Variants in ZNF705A observed in about 807,000 individuals in gnomAD.
The protein encoded by ZNF705A is zinc finger protein 705A.
Under a neutral mutation model 16.6 loss-of-function variants are expected in ZNF705A, and 8 were observed. The observed-to-expected ratio is 0.48, with a 90% CI of 0.28 to 0.87. The LOEUF is 0.87. ZNF705A is among the 40% of genes least tolerant of loss of function. The probability of loss-of-function intolerance (pLI) is 0.10; values close to 1 mark genes in which losing one functional copy is unlikely to be tolerated. For synonymous variants in ZNF705A, 73 were observed against 117.3 expected (o/e 0.62, Z 2.44); for missense variants, 233 against 359.9 (o/e 0.65, Z 2.85).
chr12:8,161,898 A>G (rs780398530), intron 1 of ZNF705A, among the ~76,000 whole-genome samples: 1 of 152,324 alleles, frequency 6.6e-6, no homozygotes, highest in African/African-American at 2.4e-5. Context: ...CTTACAGAAG[A>G]AAGTAGAAAA....
chr12:8,161,962 C>T (rs1314390511), intron 1 of ZNF705A, among the ~76,000 whole-genome samples: 1 of 152,110 alleles, frequency 6.6e-6, no homozygotes, highest in African/African-American at 2.4e-5. Flanking sequence ...TCGGAACTAT[C>T]CTAAGTCAGA....
rs750797803 is a variant in ZNF705A, at chr12:8,173,028, G to A, written c.12+391G>A. 2.0e-5 allele frequency among the ~76,000 whole-genome samples: 3 copies of A among 152,298 alleles called. No individual in the cohort carries two copies. In the East Asian group the frequency reaches 5.8e-4, roughly 29 times the overall value. On this transcript the variant is annotated intron_variant, in intron 1 of 4. Coordinates refer to ENST00000359286, the Ensembl canonical transcript of ZNF705A. Reference sequence around the variant, plus strand: ...AAATAATTGACCCATTAACTGTACTGTTGGCTGAAATAGACTTAGGATTGT... The same window carrying A: ...AAATAATTGACCCATTAACTGTACTATTGGCTGAAATAGACTTAGGATTGT...
rs779130301 is a variant in ZNF705A, at chr12:8,158,533, T to C, written c.-72+1441T>C. ...AATGCAACATACATATAAATATCTA[T>C]ACATTTTCCTATTGATGGAAATTTG... On this transcript the variant is annotated intron_variant, in intron 1 of 5. Coordinates refer to the ZNF705A transcript ENST00000396570. Among the ~76,000 whole-genome samples the C allele has an allele frequency of 2.0e-5, 3 of 152,184 alleles. No individual in the cohort carries two copies. In the South Asian group the frequency reaches 6.2e-4, roughly 31 times the overall value.
At chr12:8,175,034 C>T (rs1442362716) in intron 2 of ZNF705A, among the ~76,000 whole-genome samples, 194 bp from the exon 4 acceptor site, 1 of 151,962 alleles carries the variant, frequency 6.6e-6, no homozygotes, top group East Asian at 1.9e-4. Context: ...TTCCTGATGG[C>T]CCTTTTGTTT....
At chr12:8,166,418 A>G (rs1948399685) in intron 1 of ZNF705A, among the ~76,000 whole-genome samples, 1 of 152,188 alleles carries the variant, frequency 6.6e-6, no homozygotes, top group Non-Finnish European at 1.5e-5. Flanking sequence ...TAACTGAATC[A>G]TGGGGGCAGT....
At chr12:8,161,959 T>C (rs1948359523) in intron 1 of ZNF705A, among the ~76,000 whole-genome samples, 1 of 152,210 alleles carries the variant, frequency 6.6e-6, no homozygotes, top group African/African-American at 2.4e-5. Context: ...AGGTCGGAAC[T>C]ATCCTAAGTC....
chr12:8,168,855 A>C (rs1036175486), upstream of ZNF705A: 1 of 152,144 alleles, frequency 6.6e-6, no homozygotes, highest in Non-Finnish European at 1.5e-5. Flanking sequence ...TTCTCAAGCA[A>C]TTTTTAAATT....
chr12:8,163,786 G>T (rs1277037903), intron 1 of ZNF705A, among the ~76,000 whole-genome samples: 2 of 152,160 alleles, frequency 1.3e-5, no homozygotes, highest in African/African-American at 2.4e-5. Flanking sequence ...CTCTAGTTTG[G>T]CTGCTAAATC....
intron 1 of ZNF705A, among the ~76,000 whole-genome samples, chr12:8,159,625 A>G (rs1372093546): frequency 6.6e-6 from 1 of 151,648 alleles, no homozygotes; most frequent in African/African-American, 2.4e-5. Context: ...AGAATTGTCT[A>G]TTCATGTCTT....
chr12:8,174,219 A>C (rs1201056830), intron 1 of ZNF705A, 107 bp from the exon 3 acceptor site: 5 of 1,591,584 alleles, frequency 3.1e-6, no homozygotes, highest in Non-Finnish European at 3.4e-6. Flanking sequence ...AACCCAAAAC[A>C]CTGAGTATTC....
chr12:8,163,527 A>C (rs1442112244), intron 1 of ZNF705A, among the ~76,000 whole-genome samples: 1 of 152,182 alleles, frequency 6.6e-6, no homozygotes, highest in African/African-American at 2.4e-5. Context: ...AATCAGCCTC[A>C]TCCTACATTG....
At chr12:8,163,466 A>C (rs1948373819) in intron 1 of ZNF705A, among the ~76,000 whole-genome samples, 1 of 152,092 alleles carries the variant, frequency 6.6e-6, no homozygotes, top group South Asian at 2.1e-4. Flanking sequence ...CTATTAGGCC[A>C]CCTTTTTTCA....
intron 1 of ZNF705A, among the ~76,000 whole-genome samples, chr12:8,173,319 A>G (rs779914228): frequency 5.3e-5 from 8 of 152,364 alleles, no homozygotes; most frequent in African/African-American, 1.7e-4. Context: ...AAAGTAACAT[A>G]TAAGAAATAT....
intron 4 of ZNF705A, among the ~76,000 whole-genome samples, chr12:8,176,360 T>G (rs1206669745): frequency 6.6e-6 from 1 of 152,076 alleles, no homozygotes; most frequent in Non-Finnish European, 1.5e-5. Context: ...AGGGGACAGG[T>G]GTATGCCTTT....
At position 8,172,639 on chromosome 12, in the gene ZNF705A, T is replaced by G; in HGVS notation, c.12+2T>G. The G allele has an allele frequency of 1.3e-6, 2 of 1,596,440 alleles. No homozygotes were observed. The highest frequency in any genetic ancestry group is 2.7e-5 in the African/African-American group (2 of 74,970). Reference sequence around the variant, plus strand: ...GAGTTCCGGACAATGCATTCACTAGTGAGTAGGGGATGCTTCTTTCTACTG... The same window carrying G: ...GAGTTCCGGACAATGCATTCACTAGGGAGTAGGGGATGCTTCTTTCTACTG... On this transcript the variant is annotated splice_donor_variant, in intron 1 of 4. Coordinates refer to ENST00000359286, the Ensembl canonical transcript of ZNF705A. LOFTEE classifies it high-confidence loss of function.
intron 1 of ZNF705A, among the ~76,000 whole-genome samples, chr12:8,159,518 G>A (rs771387804): frequency 1.7e-4 from 26 of 152,150 alleles, no homozygotes; most frequent in South Asian, 6.2e-4. Flanking sequence ...GAGTAAGGTC[G>A]TATCACACTG....
chr12:8,170,739 T>G (rs756136774), upstream of ZNF705A, among the ~76,000 whole-genome samples: 4 of 152,304 alleles, frequency 2.6e-5, no homozygotes, highest in East Asian at 7.7e-4. Flanking sequence ...ATAGACTACA[T>G]AATACATGTA....
At chr12:8,164,385 G>T (rs777368841) in intron 1 of ZNF705A, among the ~76,000 whole-genome samples, 1 of 152,184 alleles carries the variant, frequency 6.6e-6, no homozygotes, top group South Asian at 2.1e-4. Flanking sequence ...TGCCCTCCAA[G>T]TCCATCCATG....
exon 5 of ZNF705A, chr12:8,177,596 T>C (rs11043759): frequency 0.42 from 464,643 of 1,099,090 alleles, 141,205 homozygotes; most frequent in East Asian, 0.5. Flanking sequence ...TGAGAGAACA[T>C]GCACTGGAGA....
Sources: gnomAD v4.1 joint callset for allele counts (sites outside exome capture counted in the v4.1 genomes callset) on GRCh38, gnomAD v4.1.1 for gene constraint, MANE v1.5 for transcripts, NCBI Gene and HGNC (gene_info 2026-07-23, HGNC 2026-07-21) for gene names.